Variants in KCNIP1 observed in about 807,000 individuals in gnomAD.
The protein encoded by KCNIP1 is A-type potassium channel modulatory protein KCNIP1.
Under a neutral mutation model 33.0 loss-of-function variants are expected in KCNIP1, and 18 were observed. The observed-to-expected ratio is 0.55, with a 90% confidence interval of 0.38 to 0.81. The LOEUF is 0.81. Among genes scored for constraint, KCNIP1 ranks in the 30% least tolerant of loss-of-function variants. The pLI is 0.00. For missense variants in KCNIP1, 238 were observed against 271.6 expected (o/e 0.88, Z 0.87); for synonymous variants, 93 against 98.3 (o/e 0.95, Z 0.32).
At chr5:170,644,217 G>A (rs1417781243) in intron 1 of KCNIP1, among the ~76,000 whole-genome samples, 1 of 152,156 alleles carries the variant, frequency 6.6e-6, no homozygotes, top group African/African-American at 2.4e-5. Flanking sequence ...ACACACCTAC[G>A]TGACCTCAGG....
intron 1 of KCNIP1, among the ~76,000 whole-genome samples, chr5:170,428,424 C>CTTT (rs11423617): frequency 6.7e-6 from 1 of 148,992 alleles, no homozygotes; most frequent in Admixed American, 6.7e-5. Context: ...TTAATGCTGT[C>CTTT]TTTTTTTTTT....
chr5:170,726,624 G>A (rs1223117766), intron 5 of KCNIP1, among the ~76,000 whole-genome samples: 3 of 152,006 alleles, frequency 2.0e-5, no homozygotes, highest in Non-Finnish European at 2.9e-5. Flanking sequence ...TTCCAGTCAG[G>A]CATGGTGGCT....
chr5:170,683,747 T>G (rs1254514605), intron 1 of KCNIP1, among the ~76,000 whole-genome samples: 2 of 151,466 alleles, frequency 1.3e-5, no homozygotes, highest in Admixed American at 6.6e-5. Context: ...TCTTCGAGAC[T>G]AAATCTCACT....
At chr5:170,390,629 A>T (rs1754545775) in intron 1 of KCNIP1, among the ~76,000 whole-genome samples, 1 of 151,012 alleles carries the variant, frequency 6.6e-6, no homozygotes, top group Admixed American at 6.6e-5. Flanking sequence ...TCCACCCTTC[A>T]CTTGACCCAA....
At chr5:170,419,265 G>C (rs1028736783) in intron 1 of KCNIP1, among the ~76,000 whole-genome samples, 59 of 152,200 alleles carry the variant, frequency 3.9e-4, no homozygotes, top group African/African-American at 1.4e-3. Flanking sequence ...CAGCAGAGGA[G>C]GAGCTGTGGA....
intron 1 of KCNIP1, among the ~76,000 whole-genome samples, chr5:170,451,253 G>A (rs933668679): frequency 2.0e-5 from 3 of 152,114 alleles, no homozygotes; most frequent in African/African-American, 7.2e-5. Context: ...TTGGGCTAAT[G>A]GGAGTAACTG....
At chr5:170,450,548 C>A (rs1756224455) in intron 1 of KCNIP1, among the ~76,000 whole-genome samples, 1 of 152,166 alleles carries the variant, frequency 6.6e-6, no homozygotes, top group South Asian at 2.1e-4. Flanking sequence ...TCCGCCCAGA[C>A]TCCTCTGAAG....
intron 1 of KCNIP1, among the ~76,000 whole-genome samples, chr5:170,604,432 G>C (rs1320370664): frequency 6.6e-6 from 1 of 152,140 alleles, no homozygotes; most frequent in African/African-American, 2.4e-5. Context: ...CAGAAGAAAG[G>C]AACAGCAGAT....
chr5:170,522,279 G>A (rs564027415), intron 1 of KCNIP1, among the ~76,000 whole-genome samples: 1 of 152,330 alleles, frequency 6.6e-6, no homozygotes, highest in East Asian at 1.9e-4. Context: ...CTTCCCTCCC[G>A]AGGACAGCCT....
At position 170,699,558 on chromosome 5, in the gene KCNIP1, A is replaced by C. The variant is rs1230240869; in HGVS notation, c.62-19200A>C. Among the ~76,000 whole-genome samples the C allele has an allele frequency of 1.0e-3, 140 of 134,552 alleles. 2 individuals carry two copies. Among genetic ancestry groups the C allele is most frequent in the African/African-American group, 1.9e-3 (60 of 31,230 alleles). The allele number at this position is 134,552 out of a possible 152,430, so 88.3% of individuals were successfully genotyped here. On this transcript the variant is annotated intron_variant, in intron 1 of 7. Coordinates refer to ENST00000328939, the MANE Select transcript of KCNIP1 (RefSeq NM_014592.4). Reference sequence around the variant, plus strand: ...AAATAAGAATTAAATTGCTCTGTGAAAAAAAAAAAAAAAAAAAAAAGTTTT... The same window carrying C: ...AAATAAGAATTAAATTGCTCTGTGACAAAAAAAAAAAAAAAAAAAAGTTTT...
intron 1 of KCNIP1, among the ~76,000 whole-genome samples, chr5:170,374,212 T>G (rs530693897): frequency 2.8e-4 from 42 of 152,306 alleles, no homozygotes; most frequent in South Asian, 6.2e-4. Flanking sequence ...AATAAGATTA[T>G]ATTAATATTT....
intron 3 of KCNIP1, among the ~76,000 whole-genome samples, chr5:170,720,625 C>T (rs749721767): frequency 7.2e-5 from 11 of 152,326 alleles, no homozygotes; most frequent in East Asian, 3.9e-4. Context: ...AACATCACAA[C>T]GTCTCAGAAC....
At chr5:170,443,687 C>T (rs1368020209) in intron 1 of KCNIP1, among the ~76,000 whole-genome samples, 1 of 152,228 alleles carries the variant, frequency 6.6e-6, no homozygotes, top group Non-Finnish European at 1.5e-5. Context: ...TCTAGACTGA[C>T]AATGTCATTC....
At chr5:170,583,614 A>G (rs974687460) in intron 1 of KCNIP1, among the ~76,000 whole-genome samples, 1 of 152,200 alleles carries the variant, frequency 6.6e-6, no homozygotes, top group African/African-American at 2.4e-5. Context: ...TTCAAAATCC[A>G]TTGTTTGGGG....
intron 1 of KCNIP1, among the ~76,000 whole-genome samples, chr5:170,556,288 C>T (rs969876503): frequency 1.3e-5 from 2 of 152,184 alleles, no homozygotes; most frequent in Non-Finnish European, 2.9e-5. Flanking sequence ...ACCCTCCTTA[C>T]TGGTTGTGTT....
intron 1 of KCNIP1, among the ~76,000 whole-genome samples, chr5:170,506,375 C>G (rs913845108): frequency 2.6e-5 from 4 of 152,276 alleles, no homozygotes; most frequent in Admixed American, 2.6e-4. Context: ...AAGACTCTGC[C>G]TCATATACTG....
chr5:170,430,576 A>G (rs888835082), intron 1 of KCNIP1, among the ~76,000 whole-genome samples: 2 of 152,020 alleles, frequency 1.3e-5, no homozygotes, highest in African/African-American at 4.8e-5. Context: ...AGCACTTAAC[A>G]TTGCTTGGTG....
intron 1 of KCNIP1, among the ~76,000 whole-genome samples, chr5:170,706,881 A>G (rs1193518131): frequency 6.6e-6 from 1 of 152,124 alleles, no homozygotes; most frequent in Non-Finnish European, 1.5e-5. Flanking sequence ...TATCCCGCAG[A>G]AATATTGTAG....
chr5:170,571,013 A>G (rs1757386219), intron 1 of KCNIP1, among the ~76,000 whole-genome samples: 1 of 152,208 alleles, frequency 6.6e-6, no homozygotes, highest in Non-Finnish European at 1.5e-5. Flanking sequence ...AAAGTAGCTC[A>G]ACTAGATCTA....
Sources: allele counts gnomAD v4.1 joint callset (sites outside exome capture counted in the v4.1 genomes callset), GRCh38; gene constraint gnomAD v4.1.1; transcripts MANE v1.5; gene names NCBI Gene and HGNC (gene_info 2026-07-23, HGNC 2026-07-21).